The following RASA1 variants were observed in gnomAD, a reference collection of about 807,000 sequenced individuals.
RASA1 encodes the protein ras GTPase-activating protein 1.
RASA1 carries 25 observed loss-of-function variants against 132.2 expected under a neutral mutation model. The ratio of observed to expected loss-of-function variants is 0.19; its 90% CI spans 0.14 to 0.26. RASA1 has a LOEUF of 0.26. Ranked by LOEUF, RASA1 falls within the 10% of genes least tolerant of loss-of-function variation. RASA1 has a pLI of 1.00. For missense variants in RASA1, 964 were observed against 1,299.2 expected, an observed-to-expected ratio of 0.74 and a Z score of 3.97; for synonymous variants, 477 against 449.9, an observed-to-expected ratio of 1.06 and a Z score of -0.76.
At chr5:87,335,648 A>G (rs1231268037) in intron 4 of RASA1, among the ~76,000 whole-genome samples, 1 of 151,842 alleles carries the variant, frequency 6.6e-6, no homozygotes, top group East Asian at 1.9e-4. Flanking sequence ...GTAGTCTTGA[A>G]CTACTGACCT....
chr5:87,381,590 G>A (rs907670105), intron 20 of RASA1, among the ~76,000 whole-genome samples: 6 of 151,904 alleles, frequency 3.9e-5, no homozygotes, highest in African/African-American at 1.2e-4. Flanking sequence ...TTCTTTTTTT[G>A]GGGGGCAGGT....
chr5:87,377,245 TTTGGC>T (rs2112492833), intron 17 of RASA1: 1 of 648,474 alleles, frequency 1.5e-6, no homozygotes, highest in East Asian at 3.0e-5. Flanking sequence ...TAATGTAGGT[TTTGGC>T]AGATAAGTAC....
chr5:87,303,488 C>T (rs1038375761), intron 1 of RASA1, among the ~76,000 whole-genome samples: 21 of 152,136 alleles, frequency 1.4e-4, no homozygotes, highest in African/African-American at 5.1e-4. Flanking sequence ...AGCATAACTT[C>T]AGCTACGTGT....
In RASA1 at chr5:87,268,023, C is replaced by T; in HGVS notation, c.-429C>T. 4.9e-6 allele frequency: 2 copies of T among 406,832 alleles called. No homozygotes were observed. The highest frequency in any genetic ancestry group is 4.3e-6 in the Non-Finnish European group (1 of 231,378). The allele number at this position is 406,832 out of a possible 1,614,324, so 25.2% of individuals were successfully genotyped here. ...GTGGCCCCAGCCTCAGCAGCGGCAC[C>T]GGCGGTGGCTGCGGTGTGGGTGGCC... is the stretch of plus-strand genomic sequence containing the variant. On this transcript the variant is annotated 5_prime_UTR_variant, in exon 1 of 25. Transcript: ENST00000274376.
At chr5:87,365,266 T>C (rs1374071298) in intron 11 of RASA1, among the ~76,000 whole-genome samples, 1 of 152,156 alleles carries the variant, frequency 6.6e-6, no homozygotes, top group Non-Finnish European at 1.5e-5. Flanking sequence ...TCAAAAATTA[T>C]AACACTCGAA....
At chr5:87,324,243 A>C (rs1035330029) in intron 1 of RASA1, among the ~76,000 whole-genome samples, 1 of 152,204 alleles carries the variant, frequency 6.6e-6, no homozygotes, top group Non-Finnish European at 1.5e-5. Context: ...TGCTGTAGGT[A>C]CTAATACTAG....
chr5:87,332,045 T>C (rs1444404310), intron 2 of RASA1, among the ~76,000 whole-genome samples: 12 of 152,130 alleles, frequency 7.9e-5, no homozygotes, highest in Admixed American at 7.2e-4. Flanking sequence ...AATGATAAAA[T>C]GTTTGTGTAC....
intron 1 of RASA1, among the ~76,000 whole-genome samples, chr5:87,282,271 G>A (rs1353420619): frequency 2.0e-5 from 3 of 151,612 alleles, no homozygotes; most frequent in Admixed American, 6.6e-5. Context: ...CAATTTATTC[G>A]TTTTCCTTTT....
intron 20 of RASA1, among the ~76,000 whole-genome samples, chr5:87,382,598 C>T (rs780011170): frequency 4.6e-5 from 7 of 152,178 alleles, no homozygotes; most frequent in Non-Finnish European, 1.0e-4. Context: ...TACATGACAA[C>T]ATATCCTCCC....
chr5:87,332,269 A>G (rs1427627169), intron 2 of RASA1, among the ~76,000 whole-genome samples: 1 of 152,066 alleles, frequency 6.6e-6, no homozygotes, highest in Non-Finnish European at 1.5e-5. Flanking sequence ...GGAATTCTGT[A>G]ATTGAGGTTT....
At chr5:87,334,696 T>TA (rs901550554) in intron 4 of RASA1, among the ~76,000 whole-genome samples, 1 of 152,214 alleles carries the variant, frequency 6.6e-6, no homozygotes, top group Non-Finnish European at 1.5e-5. Context: ...GTTACACACT[T>TA]AGAGTTAAAG....
intron 6 of RASA1, 63 bp downstream of exon 6, chr5:87,341,384 A>G (rs1758439522): frequency 1.7e-6 from 2 of 1,172,470 alleles, no homozygotes; most frequent in South Asian, 5.6e-5. Flanking sequence ...ACTAATTGGA[A>G]AACTTTGGCC....
intron 1 of RASA1, among the ~76,000 whole-genome samples, chr5:87,287,883 CATATATATACCAT>C (rs1470062071): frequency 1.4e-4 from 16 of 117,736 alleles, no homozygotes; most frequent in African/African-American, 2.7e-4. Flanking sequence ...ATACACACAC[CATATATATACCAT>C]ATATACACAC....
intron 1 of RASA1, among the ~76,000 whole-genome samples, chr5:87,328,218 A>G (rs972356030): frequency 6.6e-6 from 1 of 152,150 alleles, no homozygotes; most frequent in Non-Finnish European, 1.5e-5. Flanking sequence ...AACTTAGATG[A>G]TGAGCTATTG....
intron 1 of RASA1, among the ~76,000 whole-genome samples, chr5:87,298,052 T>G (rs1399005031): frequency 1.3e-5 from 2 of 152,126 alleles, no homozygotes; most frequent in African/African-American, 4.8e-5. Flanking sequence ...TATTGGTTTT[T>G]CAGTTTGCTT....
At position 87,391,215 on chromosome 5, in the gene RASA1, A is replaced by G. The variant is rs1027635967; in HGVS notation, c.*332A>G. ...TTCAAAATATATTTTCAGTACACCC[A>G]GTTGCCAAAGTTTTGCTGTCTCTTA... is the stretch of plus-strand genomic sequence containing the variant. On this transcript the variant is annotated 3_prime_UTR_variant, in exon 25 of 25. Coordinates refer to ENST00000274376, the MANE Select transcript of RASA1 (RefSeq NM_002890.3). The G allele has an allele frequency of 2.3e-6, 1 of 440,332 alleles. No individual in the cohort carries two copies. The highest frequency in any genetic ancestry group is 2.6e-5 in the South Asian group (1 of 37,878). 27.3% of individuals were successfully genotyped at this position (440,332 alleles called of 1,614,324 possible). A position where few individuals can be genotyped will look rare whatever the true frequency, so the allele number is the denominator to read the frequency against.
chr5:87,290,807 C>T (rs1754881465), intron 1 of RASA1, among the ~76,000 whole-genome samples: 1 of 152,120 alleles, frequency 6.6e-6, no homozygotes, highest in African/African-American at 2.4e-5. Context: ...TTCTTTCTTT[C>T]CATGGTTTGA....
intron 1 of RASA1, among the ~76,000 whole-genome samples, chr5:87,320,894 A>G (rs942573186): frequency 7.9e-5 from 12 of 152,248 alleles, no homozygotes; most frequent in African/African-American, 2.4e-4. Context: ...AGAGTTACAC[A>G]TAGTCTGATT....
intron 1 of RASA1, among the ~76,000 whole-genome samples, chr5:87,282,434 A>G (rs1029895192): frequency 4.6e-5 from 7 of 152,316 alleles, no homozygotes; most frequent in Admixed American, 1.3e-4. Context: ...ATCTCTTGCC[A>G]CTTGAATTGG....
Sources: allele counts gnomAD v4.1 joint callset (sites outside exome capture counted in the v4.1 genomes callset), GRCh38; gene constraint gnomAD v4.1.1; transcripts MANE v1.5; gene names NCBI Gene and HGNC (gene_info 2026-07-23, HGNC 2026-07-21).